The following RANBP9 variants were observed in gnomAD, a reference collection of about 807,000 sequenced individuals.
RANBP9 encodes ran-binding protein 9.
A neutral mutation model predicts 84.3 loss-of-function variants in RANBP9; 15 were observed. The ratio of observed to expected loss-of-function variants is 0.18; its 90% CI spans 0.12 to 0.27. RANBP9 has a LOEUF of 0.27. RANBP9 is among the 10% of genes least tolerant of loss of function. RANBP9 has a pLI of 1.00. For missense variants in RANBP9, 809 were observed against 912.8 expected (o/e 0.89, Z 1.46); for synonymous variants, 392 against 349.6 (o/e 1.12, Z -1.35).
At chr6:13,627,865 C>G (rs2127759506) in intron 12 of RANBP9, among the ~76,000 whole-genome samples, 1 of 152,154 alleles carries the variant, frequency 6.6e-6, no homozygotes, top group East Asian at 1.9e-4. Flanking sequence ...ATGTCGCACT[C>G]CCAAATCTTA....
intron 13 of RANBP9, among the ~76,000 whole-genome samples, chr6:13,625,195 C>T (rs1337433343): frequency 1.3e-5 from 2 of 152,174 alleles, no homozygotes; most frequent in African/African-American, 2.4e-5. Flanking sequence ...ATGTTCTTAA[C>T]GTTCTCCGAT....
At chr6:13,644,944 A>G (rs1407302233) in intron 5 of RANBP9, among the ~76,000 whole-genome samples, 2 of 152,244 alleles carry the variant, frequency 1.3e-5, no homozygotes, top group East Asian at 1.9e-4. Flanking sequence ...AGAAAAAACA[A>G]AGAGACCCAA....
rs528438256 is a variant in RANBP9, at chr6:13,688,383, T to C, written c.683+8402A>G. The stretch of plus-strand genomic sequence containing the variant: ...CCTCTTCTGTAATTTTATGTAAGCT[T>C]CCTAGATAGACTTCCCTGATCACCA... On this transcript the variant is annotated intron_variant, in intron 2 of 13. Transcript: ENST00000011619. 2.6e-3 allele frequency among the ~76,000 whole-genome samples: 392 copies of C among 152,300 alleles called. 2 individuals carry two copies. Among genetic ancestry groups the C allele is most frequent in the Middle Eastern group, 0.01 (3 of 294 alleles).
intron 13 of RANBP9, among the ~76,000 whole-genome samples, chr6:13,624,874 G>A (rs990420958): frequency 7.2e-5 from 11 of 152,098 alleles, no homozygotes; most frequent in African/African-American, 2.7e-4. Context: ...GATCCTGCCG[G>A]GTACTCACAA....
chr6:13,675,185 G>A (rs934171882), intron 2 of RANBP9, among the ~76,000 whole-genome samples: 1 of 152,048 alleles, frequency 6.6e-6, no homozygotes, highest in Admixed American at 6.5e-5. Context: ...GACATTTATA[G>A]TATACTTTAT....
intron 2 of RANBP9, among the ~76,000 whole-genome samples, chr6:13,686,420 G>C (rs1458323801): frequency 6.6e-6 from 1 of 151,782 alleles, no homozygotes; most frequent in Non-Finnish European, 1.5e-5. Flanking sequence ...CAAGTAACTG[G>C]GTACAGGAAT....
chr6:13,657,184 T>A lies in RANBP9; in HGVS notation c.829A>T (p.Thr277Ser). The change falls in exon 4 of 14, where the codon ACT (threonine) becomes TCT (serine). Residue 277 changes from threonine (T) to serine (S), a missense_variant. Physicochemically the swap from Thr to Ser is moderately conservative, Grantham distance 58. This residue lies in a region of RANBP9 where 216 missense variants were observed against 329.0 expected (regional missense o/e 0.66). Coordinates refer to ENST00000011619, the MANE Select transcript of RANBP9 (RefSeq NM_005493.3). ...TGQPYGPTFT[T>S]GDVIGCCVNL... ...ACACAACAGCCAATGACATCACCAG[T>A]AGTGAAAGTTGGTCCATAAGGTTGT... 6.2e-7 allele frequency: 1 copy of A among 1,613,294 alleles called. No homozygotes were observed. Among genetic ancestry groups the A allele is most frequent in the Non-Finnish European group, 8.5e-7 (1 of 1,179,444 alleles).
intron 2 of RANBP9, among the ~76,000 whole-genome samples, chr6:13,662,222 A>C (rs1765551402): frequency 6.6e-6 from 1 of 152,216 alleles, no homozygotes. Flanking sequence ...TCCATACATA[A>C]TGTGCTAGAA....
chr6:13,665,631 A>C (rs893319335), intron 2 of RANBP9, among the ~76,000 whole-genome samples: 7 of 152,164 alleles, frequency 4.6e-5, no homozygotes, highest in East Asian at 1.9e-4. Flanking sequence ...AATACCACTC[A>C]TAAGAAAAAT....
At chr6:13,703,628 G>A (rs1758030410) in intron 1 of RANBP9, among the ~76,000 whole-genome samples, 1 of 152,170 alleles carries the variant, frequency 6.6e-6, no homozygotes, top group African/African-American at 2.4e-5. Context: ...AAGAATCATA[G>A]CAATTAGCCA....
chr6:13,630,890 A>T (rs1216290155), intron 12 of RANBP9, among the ~76,000 whole-genome samples: 1 of 151,970 alleles, frequency 6.6e-6, no homozygotes, highest in Non-Finnish European at 1.5e-5. Context: ...GCACAGGCTG[A>T]ACCTGAACTC....
At position 13,679,221 on chromosome 6, in the gene RANBP9, G is replaced by A. The variant is rs142122977; in HGVS notation, c.683+17564C>T. Among the ~76,000 whole-genome samples the A allele has an allele frequency of 2.7e-3, 413 of 152,206 alleles. 1 individual carries two copies. The highest frequency in any genetic ancestry group is 4.0e-3 in the Non-Finnish European group (271 of 68,010). ...GAAAGTTCACAATAATATACACCAA[G>A]CTGCATCTTTCTTCAGCTGCATCTT... is the stretch of plus-strand genomic sequence containing the variant. On this transcript the variant is annotated intron_variant, in intron 2 of 13. Coordinates refer to ENST00000011619, the MANE Select transcript of RANBP9 (RefSeq NM_005493.3).
At chr6:13,658,122 C>A (rs1056220066) in intron 3 of RANBP9, among the ~76,000 whole-genome samples, 1 of 151,946 alleles carries the variant, frequency 6.6e-6, no homozygotes, top group Non-Finnish European at 1.5e-5. Context: ...AAGTATTAGT[C>A]GATATTCCCT....
intron 10 of RANBP9, among the ~76,000 whole-genome samples, chr6:13,636,759 T>G (rs1437376344): frequency 6.6e-6 from 1 of 152,262 alleles, no homozygotes; most frequent in Non-Finnish European, 1.5e-5. Context: ...GGTTCTCCAT[T>G]ACAACTTATA....
intron 1 of RANBP9, among the ~76,000 whole-genome samples, chr6:13,703,054 C>T (rs1758014606): frequency 6.6e-6 from 1 of 152,098 alleles, no homozygotes; most frequent in South Asian, 2.1e-4. Context: ...ATTCTGTTGC[C>T]CAGGCTAAAA....
chr6:13,702,161 G>A (rs954743353), intron 1 of RANBP9, among the ~76,000 whole-genome samples: 4 of 152,136 alleles, frequency 2.6e-5, no homozygotes, highest in African/African-American at 9.7e-5. Context: ...GTAATAACAA[G>A]GCTGGGCGCA....
At chr6:13,623,892 T>G (rs1222804864) in intron 13 of RANBP9, among the ~76,000 whole-genome samples, 1 of 152,200 alleles carries the variant, frequency 6.6e-6, no homozygotes, top group African/African-American at 2.4e-5. Context: ...GCTCAACAAT[T>G]AAATTCCCTT....
intron 5 of RANBP9, among the ~76,000 whole-genome samples, chr6:13,646,945 C>G (rs181283890): frequency 6.6e-6 from 1 of 152,036 alleles, no homozygotes; most frequent in African/African-American, 2.4e-5. Context: ...ATTTTTAATG[C>G]GCACTTAAAA....
chr6:13,707,266 A>T (rs980930671), intron 1 of RANBP9, among the ~76,000 whole-genome samples: 1 of 152,078 alleles, frequency 6.6e-6, no homozygotes, highest in Admixed American at 6.5e-5. Context: ...CGATCCTTCT[A>T]CTTTGGCCTC....
Sources: gnomAD v4.1 joint callset for allele counts (sites outside exome capture counted in the v4.1 genomes callset) on GRCh38, gnomAD v4.1.1 for gene constraint, gnomAD v4.1.1 regional missense constraint, MANE v1.5 for transcripts, NCBI Gene and HGNC (gene_info 2026-07-23, HGNC 2026-07-21) for gene names.